The following CX3CR1 variants were observed in gnomAD, a reference collection of about 807,000 sequenced individuals.
CX3CR1 encodes the protein CX3C chemokine receptor 1.
For synonymous variants in CX3CR1, 168 were observed against 178.5 expected (o/e 0.94, Z 0.47); for missense variants, 363 against 432.4 (o/e 0.84, Z 1.42).
chr3:39,281,788 G>C (rs1034140842), upstream of CX3CR1: 26 of 949,306 alleles, frequency 2.7e-5, no homozygotes, highest in African/African-American at 4.0e-4. Context: ...ACATGCCTGT[G>C]CCCGTGGCAG....
chr3:39,273,752 C>G (rs992777589), intron 1 of CX3CR1, among the ~76,000 whole-genome samples: 20 of 152,202 alleles, frequency 1.3e-4, no homozygotes, highest in African/African-American at 4.8e-4. Context: ...AATCCTCCCA[C>G]CTCAGTCTCC....
intron 1 of CX3CR1, among the ~76,000 whole-genome samples, chr3:39,272,691 G>A (rs2040792534): frequency 6.6e-6 from 1 of 152,156 alleles, no homozygotes; most frequent in Admixed American, 6.5e-5. Context: ...TGAAGACTGG[G>A]TTTGAGGTTC....
Position 39,265,796 on chromosome 3 carries a change from G to C in CX3CR1, c.714C>G (p.Ile238Met). The C allele has an allele frequency of 6.2e-7, 1 of 1,614,152 alleles. No homozygotes were observed. Among genetic ancestry groups the C allele is most frequent in the Non-Finnish European group, 8.5e-7 (1 of 1,179,984 alleles). Reference protein sequence around the residue: ...KAIKLILLVVIVFFLFWTPYN... With the variant: ...KAIKLILLVVMVFFLFWTPYN... ...AGGGTGTCCAGAAGAGGAAAAACAC[G>C]ATGACCACCAGAAGGATCAGTTTAA... The change falls in exon 2 of 2, where the codon ATC becomes ATG. Residue 238 changes from isoleucine to methionine, a missense_variant. Transcript: ENST00000399220.
At chr3:39,286,459 G>T (rs2040943422), upstream of CX3CR1, 1 of 151,490 alleles carries the variant, frequency 6.6e-6, no homozygotes, top group Admixed American at 6.6e-5. Context: ...GACCATCCTG[G>T]CTAACAAGGT....
At chr3:39,266,606 G>T (rs1432249620) in intron 1 of CX3CR1, 88 bp from the exon 2 acceptor site, 10 of 1,325,774 alleles carry the variant, frequency 7.5e-6, no homozygotes, top group Middle Eastern at 3.6e-4. Context: ...AGGCAGGCAG[G>T]AAGAAACAAA....
upstream of CX3CR1, among the ~76,000 whole-genome samples, chr3:39,283,796 TATATATATATATATATATATA>T (rs1212257107): frequency 1.2e-4 from 1 of 8,112 alleles, no homozygotes; most frequent in African/African-American, 9.0e-4. Flanking sequence ...AAAAAAAAAT[TATATATATATATATATATATA>T]TATATATATA....
chr3:39,265,104 G>T lies in CX3CR1; in HGVS notation c.*338C>A. On this transcript the variant is annotated 3_prime_UTR_variant, in exon 2 of 2. Coordinates refer to ENST00000399220, the MANE Select transcript of CX3CR1 (RefSeq NM_001337.4). Reference sequence around the variant, plus strand: ...GGCCCTGGTTTCCCCTCACTTTGAGGGCTCAGACACCCTTTTGCTTGTGCC... The same window carrying T: ...GGCCCTGGTTTCCCCTCACTTTGAGTGCTCAGACACCCTTTTGCTTGTGCC... 1 of 199,094 alleles carries T rather than the reference G, an allele frequency of 5.0e-6. No homozygotes were observed. The highest frequency in any genetic ancestry group is 1.2e-4 in the East Asian group (1 of 8,262). The allele number at this position is 199,094 out of a possible 1,614,324, so 12.3% of individuals were successfully genotyped here.
At chr3:39,291,218 A>G in the CX3CR1 span, among the ~76,000 whole-genome samples, 1 of 151,682 alleles carries the variant, frequency 6.6e-6, no homozygotes, top group African/African-American at 2.4e-5. Context: ...CACTATGTCC[A>G]CCTAGTTTTT....
the CX3CR1 span, among the ~76,000 whole-genome samples, chr3:39,288,135 C>T: frequency 6.6e-6 from 1 of 152,168 alleles, no homozygotes; most frequent in African/African-American, 2.4e-5. Flanking sequence ...TCCTAAAAGG[C>T]TCATTGCAGA....
chr3:39,264,957 G>A lies in CX3CR1; in HGVS notation c.*485C>T, dbSNP rs1261052143. 6.5e-6 allele frequency: 1 copy of A among 153,130 alleles called. No homozygotes were observed. Among genetic ancestry groups the A allele is most frequent in the African/African-American group, 2.4e-5 (1 of 41,430 alleles). The allele number at this position is 153,130 out of a possible 1,614,324, so 9.5% of individuals were successfully genotyped here. On this transcript the variant is annotated 3_prime_UTR_variant, in exon 2 of 2. Transcript: ENST00000399220. ...CACTTCCCTGGGAATTTTGCCCTTG[G>A]GGCCAGAGAAACATGGGTGTCAGTC...
In CX3CR1 at chr3:39,266,331, T is replaced by C; in HGVS notation, c.179A>G (p.Lys60Arg). The change falls in exon 2 of 2, where the codon AAG becomes AGG. Residue 60 changes from lysine (K) to arginine (R), a missense_variant. By Grantham distance (26) the Lys-to-Arg change is conservative. Coordinates refer to ENST00000399220, the MANE Select transcript of CX3CR1 (RefSeq NM_001337.4). ...AATGTCGGTGACACTCTTGGGCTTC[T>C]TGCTGTTGGTGAGGGCAAACACTAC... is the stretch of plus-strand genomic sequence containing the variant. Reference protein sequence around the residue: ...LLVVFALTNSKKPKSVTDIYL... With the variant: ...LLVVFALTNSRKPKSVTDIYL... The C allele has an allele frequency of 2.5e-6, 4 of 1,614,206 alleles. No individual in the cohort carries two copies. The highest frequency in any genetic ancestry group is 3.4e-6 in the Non-Finnish European group (4 of 1,180,032).
At chr3:39,286,769 C>T in the CX3CR1 span, 1 of 151,690 alleles carries the variant, frequency 6.6e-6, no homozygotes, top group Non-Finnish European at 1.5e-5. Context: ...CTCAGTTGGA[C>T]AAACTTGAAT....
chr3:39,288,239 C>T, the CX3CR1 span, among the ~76,000 whole-genome samples: 1 of 152,190 alleles, frequency 6.6e-6, no homozygotes, highest in Non-Finnish European at 1.5e-5. Context: ...TTATGTGTCA[C>T]ACTTTTGTAC....
intron 1 of CX3CR1, among the ~76,000 whole-genome samples, chr3:39,268,519 C>A (rs1405004737): frequency 6.6e-6 from 1 of 152,166 alleles, no homozygotes; most frequent in Non-Finnish European, 1.5e-5. Context: ...ATAGTCAAGT[C>A]CTTGGTGGTT....
At chr3:39,284,063 A>G (rs1396466648), upstream of CX3CR1, among the ~76,000 whole-genome samples, 1 of 151,808 alleles carries the variant, frequency 6.6e-6, no homozygotes, top group Non-Finnish European at 1.5e-5. Flanking sequence ...AAAGCATTTC[A>G]TGTAACCTAC....
In CX3CR1 at chr3:39,266,435, G is replaced by A. The variant is rs760713788; in HGVS notation, c.75C>T (p.Asp25=). ...GGAACACAGTCCCAAAGACCACGAT[G>A]TCCCCAATATAACAGGCCTCAGCCA... is the stretch of plus-strand genomic sequence containing the variant. ...DDLAEACYIG[D]IVVFGTVFLS... The change falls in exon 2 of 2, where the codon GAC becomes GAT. Residue 25 remains aspartate, a synonymous_variant. Transcript: ENST00000399220. 6.2e-6 allele frequency: 10 copies of A among 1,614,046 alleles called. No homozygotes were observed. Among genetic ancestry groups the A allele is most frequent in the Non-Finnish European group, 7.6e-6 (9 of 1,180,038 alleles).
At chr3:39,284,598 C>T (rs555285864), upstream of CX3CR1, among the ~76,000 whole-genome samples, 69 of 152,352 alleles carry the variant, frequency 4.5e-4, no homozygotes, top group African/African-American at 1.5e-3. Context: ...GAAACGGCTG[C>T]ATAAAAGGGA....
intron 1 of CX3CR1, among the ~76,000 whole-genome samples, chr3:39,273,167 C>G (rs1271875174): frequency 6.6e-6 from 1 of 152,264 alleles, no homozygotes; most frequent in Non-Finnish European, 1.5e-5. Context: ...ATAGTAGACC[C>G]AGGCCCCTTA....
chr3:39,268,291 C>CA (rs1254826586), intron 1 of CX3CR1, among the ~76,000 whole-genome samples: 1 of 152,236 alleles, frequency 6.6e-6, no homozygotes, highest in African/African-American at 2.4e-5. Context: ...CTTCAGGCTA[C>CA]AATGCCCTTT....
Sources: gnomAD v4.1 joint callset for allele counts (sites outside exome capture counted in the v4.1 genomes callset) on GRCh38, gnomAD v4.1.1 for gene constraint, MANE v1.5 for transcripts, NCBI Gene and HGNC (gene_info 2026-07-23, HGNC 2026-07-21) for gene names.